KDM4C: variants seen among roughly 807,000 people sequenced by gnomAD.
KDM4C encodes the protein lysine demethylase 4C.
KDM4C carries 81 observed loss-of-function variants against 129.3 expected under a neutral mutation model. The ratio of observed to expected loss-of-function variants is 0.63; its 90% confidence interval spans 0.52 to 0.75. The LOEUF (loss-of-function observed/expected upper bound fraction) is 0.75, where lower values mean the gene tolerates loss of function less well. Among genes scored for constraint, KDM4C ranks in the 30% least tolerant of loss-of-function variants. The pLI, the probability that KDM4C is intolerant of heterozygous loss-of-function variation, is 0.00. For missense variants in KDM4C, 1,457 were observed against 1,304.0 expected (o/e 1.12, Z -1.81); for synonymous variants, 573 against 456.1 (o/e 1.26, Z -3.26).
intron 19 of KDM4C, among the ~76,000 whole-genome samples, chr9:7,152,956 G>T (rs1842850755): frequency 6.6e-6 from 1 of 152,122 alleles, no homozygotes; most frequent in South Asian, 2.1e-4. Context: ...AAAATTAGAA[G>T]TACAGGGAAA....
At chr9:7,054,646 A>C (rs370166912) in intron 17 of KDM4C, among the ~76,000 whole-genome samples, 1 of 152,224 alleles carries the variant, frequency 6.6e-6, no homozygotes, top group East Asian at 1.9e-4. Context: ...AAAATCTAGC[A>C]AAAGGAGTTA....
chr9:7,013,990 G>A lies in KDM4C; in HGVS notation c.2171G>A (p.Arg724Gln), dbSNP rs554533128. The A allele has an allele frequency of 2.1e-5, 34 of 1,611,964 alleles. No homozygotes were observed. The African/African-American group carries it at 2.3e-4, about 11-fold the overall frequency. The change falls in exon 14 of 22, where the codon CGG becomes CAG. Residue 724 changes from arginine (R) to glutamine (Q), a missense_variant. By Grantham distance (43) the Arg-to-Gln change is conservative (BLOSUM62 1). Transcript: ENST00000381309. ...ATTTCCTGTGCAAAGTGCTGCGTAC[G>A]GGTTCATGCAAGTAAATGGATCTAT... ...LLISCAKCCVRVHASCYGIPS... is the reference protein window; with the variant it reads ...LLISCAKCCVQVHASCYGIPS...
At chr9:6,850,960 G>T (rs185455015) in intron 5 of KDM4C, among the ~76,000 whole-genome samples, 1 of 151,662 alleles carries the variant, frequency 6.6e-6, no homozygotes, top group Non-Finnish European at 1.5e-5. Context: ...TCACCATGTT[G>T]GCCAGGCTGG....
chr9:7,063,575 C>G (rs970003730), intron 17 of KDM4C, among the ~76,000 whole-genome samples: 1 of 152,170 alleles, frequency 6.6e-6, no homozygotes, highest in Non-Finnish European at 1.5e-5. Flanking sequence ...GATAAAGTTA[C>G]TTGCTTTCTG....
chr9:7,151,967 G>C (rs1442202251), intron 19 of KDM4C, among the ~76,000 whole-genome samples: 1 of 152,208 alleles, frequency 6.6e-6, no homozygotes, highest in African/African-American at 2.4e-5. Flanking sequence ...TATAGTTTAG[G>C]CTGCGAGATA....
At chr9:7,129,634 T>C (rs1001857605) in intron 19 of KDM4C, among the ~76,000 whole-genome samples, 9 of 152,106 alleles carry the variant, frequency 5.9e-5, no homozygotes, top group Non-Finnish European at 1.0e-4. Flanking sequence ...TAATCCTTGC[T>C]CAGTCTTGGT....
intron 8 of KDM4C, among the ~76,000 whole-genome samples, chr9:6,949,634 C>T (rs927726418): frequency 6.6e-6 from 1 of 152,218 alleles, no homozygotes; most frequent in Non-Finnish European, 1.5e-5. Flanking sequence ...CGGTTAGGAG[C>T]TGGAGACCAG....
At position 6,943,617 on chromosome 9, in the gene KDM4C, G is replaced by T. The variant is rs552944256; in HGVS notation, c.922-37308G>T. On this transcript the variant is annotated intron_variant, in intron 8 of 21. Transcript: ENST00000381309. ...TTGAGCCCAGGAGGTCAAAACTGCA[G>T]TGAGCCATAATTGCCCCACTGCACT... Among the ~76,000 whole-genome samples, 15 of 151,920 alleles carry T rather than the reference G, an allele frequency of 9.9e-5. No homozygotes were observed. The South Asian group carries it at 3.1e-3, about 31-fold the overall frequency.
rs534335481 is a variant in KDM4C, at chr9:7,170,174, G to C, written c.2994+284G>C. 3.0e-5 allele frequency: 39 copies of C among 1,280,340 alleles called. No homozygotes were observed. The African/African-American group carries it at 4.9e-4, about 16-fold the overall frequency. 79.3% of individuals were successfully genotyped at this position (1,280,340 alleles called of 1,614,324 possible). On this transcript the variant is annotated intron_variant, in intron 21 of 21. Coordinates refer to ENST00000381309, the MANE Select transcript of KDM4C (RefSeq NM_015061.6). Reference sequence around the variant, plus strand: ...AAAATACTTACTGAATGTGTGCTCTGTGTAAAACACCAGGAGCAAACAAAG... The same window carrying C: ...AAAATACTTACTGAATGTGTGCTCTCTGTAAAACACCAGGAGCAAACAAAG...
chr9:6,992,448 A>G (rs539855584), intron 12 of KDM4C, among the ~76,000 whole-genome samples: 1 of 152,234 alleles, frequency 6.6e-6, no homozygotes, highest in South Asian at 2.1e-4. Context: ...CCTTTCTAAT[A>G]TGTTAAGGAC....
intron 17 of KDM4C, among the ~76,000 whole-genome samples, chr9:7,095,057 T>C (rs1836264319): frequency 6.6e-6 from 1 of 152,218 alleles, no homozygotes; most frequent in African/African-American, 2.4e-5. Context: ...GGTAAGTATA[T>C]ATAGCAGGAA....
intron 1 of KDM4C, among the ~76,000 whole-genome samples, chr9:6,771,048 A>G (rs566309190): frequency 6.4e-4 from 91 of 141,582 alleles, no homozygotes; most frequent in Middle Eastern, 8.6e-3. Flanking sequence ...TGCTGGGATT[A>G]CAGGCGTGAG....
At chr9:7,014,239 G>C in intron 14 of KDM4C, 1 of 430,126 alleles carries the variant, frequency 2.3e-6, no homozygotes, top group Non-Finnish European at 4.1e-6. Context: ...TGGTTTGTTT[G>C]TTTGGGGTCC....
At chr9:7,055,139 C>T (rs537674003) in intron 17 of KDM4C, among the ~76,000 whole-genome samples, 3 of 152,260 alleles carry the variant, frequency 2.0e-5, no homozygotes, top group Non-Finnish European at 4.4e-5. Context: ...GATGGCGCCA[C>T]TGCACTCCAT....
chr9:7,146,697 G>A (rs1022108448), intron 19 of KDM4C, among the ~76,000 whole-genome samples: 19 of 152,174 alleles, frequency 1.2e-4, no homozygotes, highest in Non-Finnish European at 2.2e-4. Context: ...AAAATTCCCA[G>A]GTAAGTGAGT....
chr9:7,164,382 C>A (rs10976080), intron 19 of KDM4C, among the ~76,000 whole-genome samples: 32,540 of 148,774 alleles, frequency 0.22, 3,635 homozygotes, highest in Middle Eastern at 0.35. Context: ...CAGGATTAAT[C>A]ACCTGGGGAG....
Position 6,865,649 on chromosome 9 carries a change from C to G in KDM4C, c.630-14363C>G, listed in dbSNP as rs1409437449. 2.0e-5 allele frequency among the ~76,000 whole-genome samples: 3 copies of G among 152,184 alleles called. No homozygotes were observed. In the East Asian group the frequency reaches 5.8e-4, roughly 29 times the overall value. ...TGGCGTGATCTCAGCTCACTGTAAC[C>G]TCCGCCTCCCAGTTTCAAGCAATTC... On this transcript the variant is annotated intron_variant, in intron 5 of 21. Coordinates refer to ENST00000381309, the MANE Select transcript of KDM4C (RefSeq NM_015061.6).
intron 17 of KDM4C, among the ~76,000 whole-genome samples, chr9:7,079,620 C>G (rs1834305257): frequency 6.6e-6 from 1 of 152,228 alleles, no homozygotes; most frequent in Non-Finnish European, 1.5e-5. Flanking sequence ...CGGCACCCAG[C>G]CTGAGAGTGA....
chr9:6,792,681 C>T (rs1467984563), intron 1 of KDM4C, among the ~76,000 whole-genome samples: 1 of 152,064 alleles, frequency 6.6e-6, no homozygotes, highest in African/African-American at 2.4e-5. Context: ...GCCACCGCAC[C>T]CGGCCTAGAA....
Sources: allele counts gnomAD v4.1 joint callset (sites outside exome capture counted in the v4.1 genomes callset), GRCh38; gene constraint gnomAD v4.1.1; transcripts MANE v1.5; gene names NCBI Gene and HGNC (gene_info 2026-07-23, HGNC 2026-07-21).